Variants in CACNA1E observed in about 807,000 individuals in gnomAD.
CACNA1E encodes the protein voltage-dependent R-type calcium channel subunit alpha-1E.
A neutral mutation model predicts 259.2 loss-of-function variants in CACNA1E; 40 were observed. The ratio of observed to expected loss-of-function variants is 0.15; its 90% CI spans 0.12 to 0.20. The LOEUF (loss-of-function observed/expected upper bound fraction) is 0.20. Among genes scored for constraint, CACNA1E ranks in the 10% least tolerant of loss-of-function variants. The pLI, the probability that CACNA1E is intolerant of heterozygous loss-of-function variation, is 1.00. For synonymous variants in CACNA1E, 1,104 were observed against 1,138.5 expected (o/e 0.97, Z 0.61); for missense variants, 1,874 against 3,040.1 (o/e 0.62, Z 9.02).
intron 3 of CACNA1E, among the ~76,000 whole-genome samples, chr1:181,537,099 T>TC (rs56410207): frequency 0.041 from 1,675 of 41,276 alleles, 30 homozygotes; most frequent in African/African-American, 0.073. Flanking sequence ...TCTTTTCTTT[T>TC]TTTTTTTTTT....
intron 1 of CACNA1E, among the ~76,000 whole-genome samples, chr1:181,322,821 G>A (rs898641630): frequency 6.6e-6 from 1 of 152,166 alleles, no homozygotes; most frequent in Non-Finnish European, 1.5e-5. Flanking sequence ...TCTGGGCTTG[G>A]GGTGAAGAGA....
intron 1 of CACNA1E, among the ~76,000 whole-genome samples, chr1:181,377,216 C>T (rs190429712): frequency 8.9e-4 from 135 of 152,184 alleles, no homozygotes; most frequent in African/African-American, 2.4e-3. Context: ...TCAGAATAGA[C>T]TTTATAAGAG....
At chr1:181,565,317 A>G (rs1649710015) in intron 3 of CACNA1E, among the ~76,000 whole-genome samples, 3 of 152,238 alleles carry the variant, frequency 2.0e-5, no homozygotes, top group Admixed American at 2.0e-4. Flanking sequence ...CAGAATTAGA[A>G]AATAGGCCTT....
At chr1:181,746,256 C>T (rs1657072682) in intron 25 of CACNA1E, among the ~76,000 whole-genome samples, 1 of 152,232 alleles carries the variant, frequency 6.6e-6, no homozygotes, top group South Asian at 2.1e-4. Context: ...GAGACAGGCA[C>T]TGCCAGTGCA....
intron 7 of CACNA1E, among the ~76,000 whole-genome samples, chr1:181,698,131 C>T (rs961118804): frequency 1.3e-5 from 2 of 152,190 alleles, no homozygotes; most frequent in African/African-American, 4.8e-5. Context: ...CAGAAGTTGT[C>T]TAACAGTCTA....
intron 7 of CACNA1E, among the ~76,000 whole-genome samples, chr1:181,708,496 C>T (rs981342451): frequency 1.3e-5 from 2 of 152,162 alleles, no homozygotes; most frequent in Non-Finnish European, 2.9e-5. Flanking sequence ...TTCCTCCGGT[C>T]GTAGCCTGCT....
intron 1 of CACNA1E, among the ~76,000 whole-genome samples, chr1:181,495,673 A>C (rs1230494057): frequency 1.3e-5 from 2 of 152,162 alleles, no homozygotes; most frequent in African/African-American, 4.8e-5. Flanking sequence ...CATTGGTTTC[A>C]TCACCTCCCT....
Position 181,732,376 on chromosome 1 carries a change from C to A in CACNA1E, c.2298-8C>A. The A allele has an allele frequency of 2.0e-6, 3 of 1,504,652 alleles. No individual in the cohort carries two copies. The South Asian group carries it at 4.0e-5, about 20-fold the overall frequency. The allele number at this position is 1,504,652 out of a possible 1,614,324, so 93.2% of individuals were successfully genotyped here. A position where few individuals can be genotyped will look rare whatever the true frequency, so the allele number is the denominator to read the frequency against. ...TCTGACCGCGGCCCTGCCCTTTCCC[C>A]TTGGCAGGAGGGAGCGGAGGCGCCG... On this transcript the variant is annotated splice_region_variant and splice_polypyrimidine_tract_variant and intron_variant, in intron 19 of 47. Transcript: ENST00000367573. The surrounding 1 kb of genome is among the most constrained non-coding windows in gnomAD (Gnocchi z 5.5).
At chr1:181,643,946 A>G (rs1189104828) in intron 6 of CACNA1E, among the ~76,000 whole-genome samples, 3 of 152,148 alleles carry the variant, frequency 2.0e-5, no homozygotes, top group Non-Finnish European at 2.9e-5. Context: ...TGTTTATTAA[A>G]TATACTCAGG....
intron 1 of CACNA1E, among the ~76,000 whole-genome samples, chr1:181,385,580 A>G (rs1191838813): frequency 6.6e-6 from 1 of 152,228 alleles, no homozygotes; most frequent in Non-Finnish European, 1.5e-5. Context: ...CCAAAGCTAG[A>G]CGGCTTGCTG....
intron 6 of CACNA1E, among the ~76,000 whole-genome samples, chr1:181,622,957 C>G (rs1187068673): frequency 6.6e-6 from 1 of 152,220 alleles, no homozygotes; most frequent in Non-Finnish European, 1.5e-5. Context: ...CACAGTTGGA[C>G]TTCCTGTGGT....
At chr1:181,371,255 T>C (rs1000617910) in intron 1 of CACNA1E, among the ~76,000 whole-genome samples, 95 of 152,244 alleles carry the variant, frequency 6.2e-4, no homozygotes, top group Admixed American at 2.2e-3. Flanking sequence ...GTGCAGAAGC[T>C]CTTTATTTTA....
chr1:181,575,024 C>CAG (rs536536108), intron 3 of CACNA1E, among the ~76,000 whole-genome samples: 2 of 147,504 alleles, frequency 1.4e-5, no homozygotes, highest in African/African-American at 5.0e-5. Flanking sequence ...GACTCTGTCT[C>CAG]AAAAAAAAAA....
chr1:181,609,461 AC>A (rs1330327430), intron 6 of CACNA1E, among the ~76,000 whole-genome samples: 6 of 152,244 alleles, frequency 3.9e-5, no homozygotes, highest in African/African-American at 1.4e-4. Flanking sequence ...AGGATGTTAA[AC>A]AGAAGAACAG....
intron 25 of CACNA1E, among the ~76,000 whole-genome samples, chr1:181,742,069 T>C (rs1402235541): frequency 3.3e-5 from 5 of 152,338 alleles, no homozygotes; most frequent in Admixed American, 2.6e-4. Flanking sequence ...TCTCCGCTCA[T>C]GGAGCAGGTT....
At chr1:181,419,600 G>A (rs615132) in intron 2 of CACNA1E, among the ~76,000 whole-genome samples, 3,034 of 152,318 alleles carry the variant, frequency 0.02, 109 homozygotes, top group African/African-American at 0.068. Context: ...GCACTGGAGT[G>A]CAAGCTTCTT....
At chr1:181,405,690 G>A (rs1438529538) in intron 1 of CACNA1E, among the ~76,000 whole-genome samples, 1 of 152,126 alleles carries the variant, frequency 6.6e-6, no homozygotes, top group African/African-American at 2.4e-5. Context: ...AGCACTTACT[G>A]AATGCTTACA....
At chr1:181,382,723 C>G (rs752222374) in intron 1 of CACNA1E, among the ~76,000 whole-genome samples, 17 of 152,186 alleles carry the variant, frequency 1.1e-4, no homozygotes, top group Non-Finnish European at 1.0e-4. Context: ...TGTGTGTGGT[C>G]CTTTAAAGCT....
At chr1:181,318,863 C>G (rs1650129102) in intron 1 of CACNA1E, among the ~76,000 whole-genome samples, 1 of 152,160 alleles carries the variant, frequency 6.6e-6, no homozygotes, top group African/African-American at 2.4e-5. Flanking sequence ...CAGAGGAAGC[C>G]AGGCTGCATA....
Sources: allele counts gnomAD v4.1 joint callset (sites outside exome capture counted in the v4.1 genomes callset), GRCh38; gene constraint gnomAD v4.1.1; non-coding constraint Gnocchi (gnomAD v3.1); transcripts MANE v1.5; gene names NCBI Gene and HGNC (gene_info 2026-07-23, HGNC 2026-07-21).